The following DTNB variants were observed in gnomAD, a reference collection of about 807,000 sequenced individuals.
DTNB encodes DTN-B.
A neutral mutation model predicts 90.7 loss-of-function variants in DTNB; 63 were observed. That is an observed-to-expected ratio of 0.69 (90% CI 0.57 to 0.86). The LOEUF (loss-of-function observed/expected upper bound fraction) is 0.86, where lower values mean the gene tolerates loss of function less well. Ranked by LOEUF, DTNB falls within the 40% of genes least tolerant of loss-of-function variation. The pLI is 0.00. For synonymous variants in DTNB, 277 were observed against 286.7 expected (o/e 0.97, Z 0.34); for missense variants, 744 against 807.1 (o/e 0.92, Z 0.95).
At chr2:25,449,678 G>A (rs1466968357) in intron 12 of DTNB, among the ~76,000 whole-genome samples, 1 of 151,990 alleles carries the variant, frequency 6.6e-6, no homozygotes, top group East Asian at 1.9e-4. Flanking sequence ...TTATTGCTGA[G>A]GTGCAGGAAT....
chr2:25,588,371 T>TC (rs1343948303), intron 6 of DTNB, among the ~76,000 whole-genome samples: 6 of 148,366 alleles, frequency 4.0e-5, no homozygotes, highest in Non-Finnish European at 9.0e-5. Flanking sequence ...TCCGAGAACT[T>TC]TTTTTTTTTT....
chr2:25,641,532 G>C (rs1037611161), intron 2 of DTNB, among the ~76,000 whole-genome samples: 4 of 152,032 alleles, frequency 2.6e-5, no homozygotes, highest in Admixed American at 2.6e-4. Context: ...TGAGTAGCTG[G>C]AATTACAGGC....
chr2:25,432,522 C>G (rs11126052), intron 14 of DTNB, among the ~76,000 whole-genome samples: 29,723 of 152,180 alleles, frequency 0.2, 3,640 homozygotes, highest in Non-Finnish European at 0.27. Context: ...ATACTCACAG[C>G]AAAGGCAAAG....
chr2:25,502,747 ATGG>A (rs2150577590), intron 9 of DTNB, among the ~76,000 whole-genome samples: 2 of 151,774 alleles, frequency 1.3e-5, no homozygotes, highest in East Asian at 3.9e-4. Flanking sequence ...TTAGCCGGAC[ATGG>A]TGGCCAGCGC....
chr2:25,623,436 C>G (rs572727654), intron 4 of DTNB, among the ~76,000 whole-genome samples: 4 of 152,272 alleles, frequency 2.6e-5, no homozygotes, highest in African/African-American at 9.6e-5. Flanking sequence ...CTTGCCAAGG[C>G]AGAAGGGGTC....
chr2:25,396,480 C>T (rs1424939761), intron 16 of DTNB, among the ~76,000 whole-genome samples: 2 of 150,688 alleles, frequency 1.3e-5, no homozygotes, highest in African/African-American at 4.9e-5. Flanking sequence ...CACTGCACTC[C>T]AGCCTAGGCA....
At chr2:25,379,610 A>AG (rs1474550787) in intron 19 of DTNB, 4 of 358,888 alleles carry the variant, frequency 1.1e-5, no homozygotes, top group Non-Finnish European at 1.5e-5. Flanking sequence ...CAGTTACATG[A>AG]GGGGGGCAAA....
intron 8 of DTNB, among the ~76,000 whole-genome samples, chr2:25,534,821 C>T (rs1446976721): frequency 7.3e-6 from 1 of 136,334 alleles, no homozygotes; most frequent in African/African-American, 2.8e-5. Flanking sequence ...AGACGAAGAG[C>T]GGCCGGGCAG....
At chr2:25,384,389 G>A (rs543376801) in intron 18 of DTNB, among the ~76,000 whole-genome samples, 14 of 152,294 alleles carry the variant, frequency 9.2e-5, no homozygotes, top group African/African-American at 1.4e-4. Flanking sequence ...TGCTAATGCC[G>A]TCTAAGGTGC....
chr2:25,517,650 T>C (rs1035268808), intron 9 of DTNB, among the ~76,000 whole-genome samples: 9 of 152,074 alleles, frequency 5.9e-5, no homozygotes, highest in African/African-American at 2.2e-4. Flanking sequence ...CAATTAAAAA[T>C]TGAACATATG....
In DTNB at chr2:25,377,370, G is replaced by C. The variant is rs1267738710; in HGVS notation, c.*213C>G. On this transcript the variant is annotated 3_prime_UTR_variant, in exon 21 of 21. Coordinates refer to ENST00000406818, the MANE Select transcript of DTNB (RefSeq NM_021907.5). ...CTGTGCAGGGGGAGGCCCACTAGCT[G>C]TGCCACGCAGCCCCTCCCCGCTTCC... 6.5e-6 allele frequency: 1 copy of C among 153,202 alleles called. No homozygotes were observed. The highest frequency in any genetic ancestry group is 2.4e-5 in the African/African-American group (1 of 41,470). 9.5% of individuals were successfully genotyped at this position (153,202 alleles called of 1,614,324 possible).
At chr2:25,632,574 G>T (rs944632255) in intron 3 of DTNB, among the ~76,000 whole-genome samples, 2 of 152,122 alleles carry the variant, frequency 1.3e-5, no homozygotes, top group Non-Finnish European at 2.9e-5. Flanking sequence ...ATGGGAGTAG[G>T]ACTGGTGGCT....
chr2:25,447,753 C>T (rs755958773), intron 12 of DTNB, among the ~76,000 whole-genome samples: 8 of 152,054 alleles, frequency 5.3e-5, no homozygotes, highest in Non-Finnish European at 1.0e-4. Flanking sequence ...AGGTGATCCA[C>T]CCACCTCGGC....
intron 5 of DTNB, 44 bp from the exon 6 acceptor site, chr2:25,596,284 C>T (rs1021250770): frequency 1.9e-6 from 3 of 1,542,478 alleles, no homozygotes; most frequent in African/African-American, 2.8e-5. Context: ...AAGGAAATAT[C>T]AGCTTTTTAT....
chr2:25,606,136 G>A (rs2067051439), intron 5 of DTNB, among the ~76,000 whole-genome samples: 1 of 151,746 alleles, frequency 6.6e-6, no homozygotes, highest in African/African-American at 2.4e-5. Context: ...AAGTAATCTT[G>A]CCGAAAAACT....
At chr2:25,473,260 G>C (rs1217357738) in intron 10 of DTNB, among the ~76,000 whole-genome samples, 1 of 152,074 alleles carries the variant, frequency 6.6e-6, no homozygotes, top group Non-Finnish European at 1.5e-5. Flanking sequence ...ATTAAGAGGA[G>C]TGAAAAAAAA....
chr2:25,471,273 T>C (rs1196128077), intron 10 of DTNB, among the ~76,000 whole-genome samples: 1 of 152,110 alleles, frequency 6.6e-6, no homozygotes, highest in Non-Finnish European at 1.5e-5. Context: ...TCACCACTAC[T>C]CACCTTTCCT....
At chr2:25,495,130 A>G (rs1042594771) in intron 9 of DTNB, among the ~76,000 whole-genome samples, 7 of 151,860 alleles carry the variant, frequency 4.6e-5, no homozygotes, top group African/African-American at 1.7e-4. Flanking sequence ...CAGCGGTGCA[A>G]TCTTGGCCCA....
At chr2:25,503,420 G>A (rs929958200) in intron 9 of DTNB, among the ~76,000 whole-genome samples, 4 of 152,028 alleles carry the variant, frequency 2.6e-5, no homozygotes, top group Non-Finnish European at 4.4e-5. Flanking sequence ...TTGAGCCCAG[G>A]AGTTCAATGC....
Sources: gnomAD v4.1 joint callset for allele counts (sites outside exome capture counted in the v4.1 genomes callset) on GRCh38, gnomAD v4.1.1 for gene constraint, MANE v1.5 for transcripts, NCBI Gene and HGNC (gene_info 2026-07-23, HGNC 2026-07-21) for gene names.